EXT1: variants seen among roughly 807,000 people sequenced by gnomAD.
EXT1 encodes the protein exostosin-1.
A neutral mutation model predicts 82.5 loss-of-function variants in EXT1; 20 were observed. The observed-to-expected ratio is 0.24, with a 90% CI of 0.17 to 0.35. EXT1 has a LOEUF of 0.35. Among genes scored for constraint, EXT1 ranks in the 10% least tolerant of loss-of-function variants. The pLI, the probability that EXT1 is intolerant of heterozygous loss-of-function variation, is 1.00. For synonymous variants in EXT1, 348 were observed against 350.8 expected, an observed-to-expected ratio of 0.99 and a Z score of 0.09; for missense variants, 757 against 936.5, an observed-to-expected ratio of 0.81 and a Z score of 2.50.
intron 1 of EXT1, among the ~76,000 whole-genome samples, chr8:118,019,794 T>C (rs1816068424): frequency 6.6e-6 from 1 of 152,238 alleles, no homozygotes; most frequent in African/African-American, 2.4e-5. Context: ...TGACCAAAGT[T>C]ACCCACTTGG....
At chr8:117,860,502 A>G (rs370481298) in intron 1 of EXT1, among the ~76,000 whole-genome samples, 12 of 152,290 alleles carry the variant, frequency 7.9e-5, no homozygotes, top group Middle Eastern at 3.4e-3. Flanking sequence ...CCCTAAATCT[A>G]TTTCAAATAA....
intron 1 of EXT1, among the ~76,000 whole-genome samples, chr8:118,096,868 G>A (rs532782191): frequency 6.6e-6 from 1 of 152,322 alleles, no homozygotes; most frequent in South Asian, 2.1e-4. Flanking sequence ...ACCAAAGACA[G>A]TAACATTTAG....
chr8:117,864,892 A>G (rs1404434713), intron 1 of EXT1, among the ~76,000 whole-genome samples: 1 of 152,160 alleles, frequency 6.6e-6, no homozygotes, highest in Non-Finnish European at 1.5e-5. Flanking sequence ...GGTCTAGATA[A>G]TCCCTACTTC....
At chr8:118,049,731 TTTTC>T (rs1816687604) in intron 1 of EXT1, among the ~76,000 whole-genome samples, 1 of 152,218 alleles carries the variant, frequency 6.6e-6, no homozygotes, top group South Asian at 2.1e-4. Context: ...CAGGGAAGCT[TTTTC>T]TTTCTTTCTG....
intron 1 of EXT1, among the ~76,000 whole-genome samples, chr8:118,103,988 G>A (rs1204313302): frequency 6.6e-6 from 1 of 152,224 alleles, no homozygotes; most frequent in African/African-American, 2.4e-5. Context: ...GTAACAGGGA[G>A]AAACTCTGTT....
chr8:117,887,941 C>T (rs1391343485), intron 1 of EXT1, among the ~76,000 whole-genome samples: 4 of 151,586 alleles, frequency 2.6e-5, no homozygotes, highest in African/African-American at 7.3e-5. Flanking sequence ...CAAAATTAGC[C>T]GGGTGTGGTG....
At chr8:117,874,554 C>CCTCA (rs2129902801) in intron 1 of EXT1, among the ~76,000 whole-genome samples, 1 of 88,236 alleles carries the variant, frequency 1.1e-5, no homozygotes, top group East Asian at 4.4e-4. Context: ...CCAGCCTAGG[C>CCTCA]AACAAAGTGA....
In EXT1 at chr8:118,106,917, A is replaced by C. The variant is rs1036718140; in HGVS notation, c.962+3168T>G. The stretch of plus-strand genomic sequence containing the variant: ...CTATCATAAAAATTGATATTTTAAT[A>C]TAATCCTGAACGTCTGGGTCAAAAA... On this transcript the variant is annotated intron_variant, in intron 1 of 10. Transcript: ENST00000378204. Among the ~76,000 whole-genome samples, 3 of 152,376 alleles carry C rather than the reference A, an allele frequency of 2.0e-5. No homozygotes were observed. The East Asian group carries it at 5.8e-4, about 29-fold the overall frequency.
chr8:118,043,244 C>T (rs539099839), intron 1 of EXT1, among the ~76,000 whole-genome samples: 18 of 152,318 alleles, frequency 1.2e-4, no homozygotes, highest in Non-Finnish European at 2.4e-4. Flanking sequence ...TTACAGTCCA[C>T]GTGGGCCATG....
At chr8:117,988,551 G>C (rs186673534) in intron 1 of EXT1, among the ~76,000 whole-genome samples, 27 of 152,334 alleles carry the variant, frequency 1.8e-4, no homozygotes, top group African/African-American at 6.0e-4. Context: ...GACAGTGGTA[G>C]CTGCTAGGAA....
At chr8:117,955,715 C>A (rs1196364442) in intron 1 of EXT1, among the ~76,000 whole-genome samples, 1 of 152,170 alleles carries the variant, frequency 6.6e-6, no homozygotes, top group Non-Finnish European at 1.5e-5. Context: ...GCCACCACGC[C>A]CAGCTAATCT....
At chr8:117,829,009 T>C (rs1294856541) in intron 4 of EXT1, among the ~76,000 whole-genome samples, 4 of 152,072 alleles carry the variant, frequency 2.6e-5, no homozygotes, top group African/African-American at 9.7e-5. Context: ...TACTCAGATT[T>C]CTCAGTGTAG....
chr8:117,846,485 T>C (rs1461851585), intron 1 of EXT1, among the ~76,000 whole-genome samples: 1 of 152,158 alleles, frequency 6.6e-6, no homozygotes, highest in Non-Finnish European at 1.5e-5. Flanking sequence ...CACATGGGCC[T>C]AAATTCTCTG....
At chr8:117,858,786 C>CAGGCAGGCA (rs1554581740) in intron 1 of EXT1, among the ~76,000 whole-genome samples, 4 of 103,668 alleles carry the variant, frequency 3.9e-5, no homozygotes, top group South Asian at 3.5e-4. Flanking sequence ...GGCAGGCAGG[C>CAGGCAGGCA]AGGCAAGGCA....
chr8:117,828,906 G>C (rs1182019249), intron 4 of EXT1, among the ~76,000 whole-genome samples: 1 of 152,188 alleles, frequency 6.6e-6, no homozygotes, highest in Non-Finnish European at 1.5e-5. Flanking sequence ...ATGCCCTGGT[G>C]TGCCTGGAGC....
chr8:117,819,563 G>T, intron 6 of EXT1, 113 bp downstream of exon 6: 1 of 839,344 alleles, frequency 1.2e-6, no homozygotes, highest in Non-Finnish European at 2.1e-6. Flanking sequence ...AGGGTATGAT[G>T]TTAGAGAAGT....
At chr8:118,073,632 AAGAAGAGAAGAGAAGAGAAG>A (rs200527277) in intron 1 of EXT1, among the ~76,000 whole-genome samples, 3,728 of 89,492 alleles carry the variant, frequency 0.042, 76 homozygotes, top group Admixed American at 0.07. Flanking sequence ...AGAGAAGAGA[AAGAAGAGAAGAGAAGAGAAG>A]AGAAGAGAAG....
intron 1 of EXT1, among the ~76,000 whole-genome samples, chr8:117,872,823 A>T (rs1447778681): frequency 6.7e-6 from 1 of 149,390 alleles, no homozygotes; most frequent in Non-Finnish European, 1.5e-5. Context: ...ACTGAAGCAG[A>T]GAAAAAAAAA....
At chr8:117,994,239 T>C (rs1054866140) in intron 1 of EXT1, among the ~76,000 whole-genome samples, 1 of 152,170 alleles carries the variant, frequency 6.6e-6, no homozygotes, top group African/African-American at 2.4e-5. Flanking sequence ...AGAAGTTCTA[T>C]TGGGAGGGCT....
Sources: allele counts gnomAD v4.1 joint callset (sites outside exome capture counted in the v4.1 genomes callset), GRCh38; gene constraint gnomAD v4.1.1; transcripts MANE v1.5; gene names NCBI Gene and HGNC (gene_info 2026-07-23, HGNC 2026-07-21).